The following ACSF3 variants were observed in gnomAD, a reference collection of about 807,000 sequenced individuals.
The protein encoded by ACSF3 is malonate--CoA ligase ACSF3, mitochondrial.
ACSF3 carries 78 observed loss-of-function variants against 53.2 expected under a neutral mutation model. The ratio of observed to expected loss-of-function variants is 1.47; its 90% CI spans 1.22 to 1.77. ACSF3 has a LOEUF of 1.77. ACSF3 is among the 40% of genes most tolerant of loss of function. The pLI is 0.00. For missense variants in ACSF3, 937 were observed against 771.1 expected, an observed-to-expected ratio of 1.22 and a Z score of -2.55; for synonymous variants, 414 against 333.1, an observed-to-expected ratio of 1.24 and a Z score of -2.65.
rs371820409 is a variant in ACSF3 at position 89,103,225 on chromosome 16, C to T, written c.822+466C>T. Among the ~76,000 whole-genome samples the T allele has an allele frequency of 7.9e-5, 12 of 152,368 alleles. No individual in the cohort carries two copies. The East Asian group carries it at 1.7e-3, about 22-fold the overall frequency. ...GGATGAGCGGAGGTGACTGTACAGG[C>T]CCTGCTGCCCGCGAGCTCCTGCGGC... On this transcript the variant is annotated intron_variant, in intron 4 of 10. Coordinates refer to ENST00000614302, the MANE Select transcript of ACSF3 (RefSeq NM_001243279.3).
intron 8 of ACSF3, among the ~76,000 whole-genome samples, chr16:89,142,472 TGAGATATAACACATCTGCA>T (rs1911959211): frequency 6.6e-6 from 1 of 150,598 alleles, no homozygotes; most frequent in Non-Finnish European, 1.5e-5. Flanking sequence ...CCACACCTGC[TGAGATATAACACATCTGCA>T]GAGACACAGC....
At chr16:89,151,158 G>T (rs1914017631) in intron 10 of ACSF3, 1 of 688,850 alleles carries the variant, frequency 1.5e-6, no homozygotes, top group Admixed American at 2.3e-5. Flanking sequence ...ATCCAGTGAA[G>T]TCAGCAGTTC....
In ACSF3 at chr16:89,154,459, C is replaced by T. The variant is rs1357275751; in HGVS notation, c.*252C>T. 19 of 632,016 alleles carry T rather than the reference C, an allele frequency of 3.0e-5. No homozygotes were observed. The highest frequency in any genetic ancestry group is 1.1e-4 in the African/African-American group (6 of 55,592). 39.2% of individuals were successfully genotyped at this position (632,016 alleles called of 1,614,324 possible). A position where few individuals can be genotyped will look rare whatever the true frequency, so the allele number is the denominator to read the frequency against. On this transcript the variant is annotated 3_prime_UTR_variant, in exon 11 of 11. Coordinates refer to ENST00000614302, the MANE Select transcript of ACSF3 (RefSeq NM_001243279.3). ...CACCGCCGACCTCATCTGTGCAGCGCGGTGCAGCCAGCCCCTGGCCCCACG... is the reference window on the plus strand; with the variant it reads ...CACCGCCGACCTCATCTGTGCAGCGTGGTGCAGCCAGCCCCTGGCCCCACG...
intron 6 of ACSF3, among the ~76,000 whole-genome samples, chr16:89,115,661 T>C (rs1472865074): frequency 6.6e-6 from 1 of 152,248 alleles, no homozygotes; most frequent in Non-Finnish European, 1.5e-5. Context: ...ATTGCTGTGT[T>C]GTCTGAAGCT....
intron 8 of ACSF3, chr16:89,141,383 G>A: frequency 8.5e-7 from 1 of 1,175,462 alleles, no homozygotes; most frequent in East Asian, 5.8e-5. Context: ...ATGTTCCAAG[G>A]GGCAAGCTCA....
chr16:89,116,857 C>T (rs1262680755), intron 6 of ACSF3, among the ~76,000 whole-genome samples: 2 of 152,118 alleles, frequency 1.3e-5, no homozygotes, highest in Admixed American at 6.5e-5. Context: ...GGCTGACTCG[C>T]GCATCTCCAC....
Position 89,145,951 on chromosome 16 carries a change from TG to T in ACSF3, c.1517del (p.Gly506GlufsTer5). ...TTCTATCCGCAGATGTGGCTGTGAT[TG>T]GAGTTCCGGATATGACATGGGGCCA... ...HPSITDVAVI[G>X]VPDMTWGQRV... On this transcript the variant is annotated frameshift_variant, in exon 10 of 11. Transcript: ENST00000614302. LOFTEE classifies it high-confidence loss of function. The T allele has an allele frequency of 6.2e-7, 1 of 1,612,090 alleles. No individual in the cohort carries two copies. The highest frequency in any genetic ancestry group is 1.1e-5 in the South Asian group (1 of 91,062).
chr16:89,102,669 G>A lies in ACSF3; in HGVS notation c.732G>A (p.Leu244=), dbSNP rs1975490271. 1 of 1,613,758 alleles carries A rather than the reference G, an allele frequency of 6.2e-7. No individual in the cohort carries two copies. ...KDDVILHVLP[L]HHVHGVVNAL... is the part of the protein sequence containing the mutation. ...ACGTGATCCTCCACGTGCTCCCGCT[G>A]CACCACGTCCATGGTGTGGTCAACG... The change falls in exon 4 of 11, where the codon CTG becomes CTA. Residue 244 remains leucine (L), a synonymous_variant. Transcript: ENST00000614302.
intron 6 of ACSF3, among the ~76,000 whole-genome samples, chr16:89,115,794 A>G (rs1034915218): frequency 2.6e-5 from 4 of 152,176 alleles, no homozygotes; most frequent in Admixed American, 2.0e-4. Context: ...TTCTCTCATG[A>G]TGGGTGGCGT....
At chr16:89,142,784 C>G (rs1157173754) in intron 8 of ACSF3, among the ~76,000 whole-genome samples, 1 of 148,784 alleles carries the variant, frequency 6.7e-6, no homozygotes, top group Non-Finnish European at 1.5e-5. Context: ...GACACCCACA[C>G]CTGCAGACAC....
At chr16:89,148,932 C>G (rs558794564) in intron 10 of ACSF3, 1 of 152,230 alleles carries the variant, frequency 6.6e-6, no homozygotes, top group African/African-American at 2.4e-5. Context: ...TCTTTACTTA[C>G]GCACATTTCT....
At chr16:89,098,033 C>G (rs960621684) in intron 1 of ACSF3, among the ~76,000 whole-genome samples, 2 of 151,886 alleles carry the variant, frequency 1.3e-5, no homozygotes, top group African/African-American at 4.8e-5. Flanking sequence ...GAGATCGTGC[C>G]ACTGCACTCC....
At chr16:89,142,731 A>G (rs1597234899) in intron 8 of ACSF3, among the ~76,000 whole-genome samples, 1 of 147,390 alleles carries the variant, frequency 6.8e-6, no homozygotes, top group African/African-American at 2.5e-5. Context: ...AGCCACACCT[A>G]TAGACACACC....
rs537579154 is a variant in ACSF3, at chr16:89,095,574, C to T, written c.-194+1578C>T. Among the ~76,000 whole-genome samples the T allele has an allele frequency of 2.4e-3, 303 of 127,478 alleles. 1 individual carries two copies. The highest frequency in any genetic ancestry group is 2.5e-3 in the Admixed American group (23 of 9,318). 83.6% of individuals were successfully genotyped at this position (127,478 alleles called of 152,430 possible). ...CGGGGCAGCCGACAGGAGGAAGTGC[C>T]GGCATCCACTTCAAACACAAGGTCT... On this transcript the variant is annotated intron_variant, in intron 1 of 10. Coordinates refer to ENST00000614302, the MANE Select transcript of ACSF3 (RefSeq NM_001243279.3).
Position 89,132,154 on chromosome 16 carries a change from A to G in ACSF3, c.1240-982A>G, listed in dbSNP as rs370652285. ...CCACATCAGATCAGTGTGTTCTGCT[A>G]TTTCGCAGCTACTTCCCTGGCCCCT... is the stretch of plus-strand genomic sequence containing the variant. On this transcript the variant is annotated intron_variant, in intron 7 of 10. Transcript: ENST00000614302. Among the ~76,000 whole-genome samples the G allele has an allele frequency of 1.6e-4, 25 of 152,336 alleles. 4 individuals carry two copies. Among genetic ancestry groups the G allele is most frequent in the East Asian group, 1.3e-3 (7 of 5,186 alleles).
intron 1 of ACSF3, among the ~76,000 whole-genome samples, chr16:89,098,028 C>A (rs923273782): frequency 4.6e-5 from 7 of 151,886 alleles, no homozygotes; most frequent in African/African-American, 9.7e-5. Flanking sequence ...GAGCCGAGAT[C>A]GTGCCACTGC....
intron 7 of ACSF3, among the ~76,000 whole-genome samples, chr16:89,130,932 T>G (rs945368355): frequency 2.0e-5 from 3 of 152,164 alleles, no homozygotes; most frequent in African/African-American, 7.2e-5. Flanking sequence ...TCTGTTGCTC[T>G]GTCTTCAAGT....
In ACSF3 at chr16:89,155,776, ATC is replaced by A. The variant is rs72262430; in HGVS notation, c.*1576_*1577del. 73,966 of 453,932 alleles carry A rather than the reference ATC, an allele frequency of 0.16. 10,591 individuals carry two copies. Among genetic ancestry groups the A allele is most frequent in the East Asian group, 0.64 (9,247 of 14,382 alleles). The allele number at this position is 453,932 out of a possible 1,614,324, so 28.1% of individuals were successfully genotyped here. A position where few individuals can be genotyped will look rare whatever the true frequency, so the allele number is the denominator to read the frequency against. On this transcript the variant is annotated 3_prime_UTR_variant, in exon 11 of 11. Coordinates refer to ENST00000614302, the MANE Select transcript of ACSF3 (RefSeq NM_001243279.3). ...TTAATTCCACTAATTTTACATTTGC[ATC>A]TCTCTCCTTTAATCCTGAAACTTTT...
At chr16:89,143,902 C>G (rs1230255519) in intron 8 of ACSF3, among the ~76,000 whole-genome samples, 1 of 152,182 alleles carries the variant, frequency 6.6e-6, no homozygotes, top group Non-Finnish European at 1.5e-5. Flanking sequence ...GGCCTTTCTG[C>G]GTCCAACAGC....
Sources: allele counts gnomAD v4.1 joint callset (sites outside exome capture counted in the v4.1 genomes callset), GRCh38; gene constraint gnomAD v4.1.1; transcripts MANE v1.5; gene names NCBI Gene and HGNC (gene_info 2026-07-23, HGNC 2026-07-21).